Variants in NAGPA observed in about 807,000 individuals in gnomAD.
NAGPA encodes the protein N-acetylglucosamine-1-phosphodiester alpha-N-acetylglucosaminidase.
A neutral mutation model predicts 48.5 loss-of-function variants in NAGPA; 56 were observed. The observed-to-expected ratio is 1.15, with a 90% CI of 0.93 to 1.44. The LOEUF is 1.44. Ranked by LOEUF, NAGPA falls within the 40% of genes most tolerant of loss-of-function variation. NAGPA has a pLI of 0.00. For missense variants in NAGPA, 888 were observed against 735.0 expected (o/e 1.21, Z -2.41); for synonymous variants, 399 against 315.5 (o/e 1.26, Z -2.81).
intron 7 of NAGPA, 108 bp downstream of exon 7, chr16:5,027,738 A>G (rs1956027517): frequency 1.4e-6 from 2 of 1,469,426 alleles, no homozygotes; most frequent in South Asian, 2.4e-5. Flanking sequence ...AGAAGACAAG[A>G]GGCAAGCATT....
At chr16:5,030,262 G>A (rs562578202) in intron 4 of NAGPA, 123 bp downstream of exon 4, 17 of 881,958 alleles carry the variant, frequency 1.9e-5, no homozygotes, top group Non-Finnish European at 2.9e-5. Flanking sequence ...GCCCTGGGAG[G>A]GGGGACAGAT....
chr16:5,028,864 G>T lies in NAGPA; in HGVS notation c.920+16C>A, dbSNP rs373629495. 4 of 1,613,738 alleles carry T rather than the reference G, an allele frequency of 2.5e-6. No individual in the cohort carries two copies. The African/African-American group carries it at 5.3e-5, about 22-fold the overall frequency. On this transcript the variant is annotated intron_variant, in intron 5 of 9. Transcript: ENST00000312251. ...CTGGACTTCAGCCCTCACGAAGGCG[G>T]CTCTCACGTGCTTACCAGTGATCTG... is the stretch of plus-strand genomic sequence containing the variant.
Position 5,027,908 on chromosome 16 carries a change from C to G in NAGPA, c.1127-15G>C. 6.2e-7 allele frequency: 1 copy of G among 1,607,516 alleles called. No homozygotes were observed. The highest frequency in any genetic ancestry group is 1.1e-5 in the South Asian group (1 of 90,324). The stretch of plus-strand genomic sequence containing the variant: ...GCGGCAGCCGGCTGCCGAGACAAGA[C>G]CGGGGAGGCCAGGTGAGGGCCTAGG... On this transcript the variant is annotated splice_polypyrimidine_tract_variant and intron_variant, in intron 6 of 9. Transcript: ENST00000312251.
At chr16:5,031,470 T>C (rs1956095032) in intron 3 of NAGPA, 1 of 455,722 alleles carries the variant, frequency 2.2e-6, no homozygotes, top group Non-Finnish European at 4.0e-6. Flanking sequence ...TTTCTCTTCC[T>C]GTACCCACAG....
chr16:5,028,743 G>T, intron 5 of NAGPA, 137 bp downstream of exon 5: 1 of 1,381,980 alleles, frequency 7.2e-7, no homozygotes, highest in Non-Finnish European at 1.0e-6. Context: ...GGCATCCTGG[G>T]GGAGGGACTG....
At chr16:5,032,813 TC>T (rs1260863329) in intron 2 of NAGPA, among the ~76,000 whole-genome samples, 1 of 152,232 alleles carries the variant, frequency 6.6e-6, no homozygotes, top group Non-Finnish European at 1.5e-5. Context: ...GAAACGCTCT[TC>T]CTCCAGTTCT....
At chr16:5,025,826 CA>C in intron 9 of NAGPA, 141 bp from the exon 10 acceptor site, 1 of 838,892 alleles carries the variant, frequency 1.2e-6, no homozygotes. Flanking sequence ...ATGTTATGAG[CA>C]AAATGGACTA....
rs1956104468 is a variant in NAGPA at position 5,031,879 on chromosome 16, A to G, written c.548T>C (p.Leu183Pro). 2.5e-6 allele frequency: 4 copies of G among 1,614,096 alleles called. No individual in the cohort carries two copies. The highest frequency in any genetic ancestry group is 3.4e-6 in the Non-Finnish European group (4 of 1,179,982). The change falls in exon 3 of 10, where the codon CTG becomes CCG. Residue 183 changes from leucine (L) to proline (P), a missense_variant. Coordinates refer to ENST00000312251, the MANE Select transcript of NAGPA (RefSeq NM_016256.4). ...RRDGTLVTGY[L>P]SEEEVLDTEN... The stretch of plus-strand genomic sequence containing the variant: ...AGTGTCCAGCACCTCCTCCTCAGAC[A>G]GGTACCTGGATCCGGGGAAGGTGGG...
chr16:5,027,810 C>G, intron 7 of NAGPA, 36 bp downstream of exon 7: 4 of 1,551,292 alleles, frequency 2.6e-6, no homozygotes, highest in Non-Finnish European at 3.5e-6. Context: ...CGGGGGCCAC[C>G]GTCTCCCCAT....
At position 5,031,761 on chromosome 16, in the gene NAGPA, G is replaced by C. The variant is rs757454165; in HGVS notation, c.666C>G (p.Asp222Glu). 1 of 1,614,034 alleles carries C rather than the reference G, an allele frequency of 6.2e-7. No homozygotes were observed. The highest frequency in any genetic ancestry group is 8.5e-7 in the Non-Finnish European group (1 of 1,180,016). Residue 222 changes from aspartate to glutamate, a missense_variant, in exon 3 of 10, where the codon GAC becomes GAG. Coordinates refer to ENST00000312251, the MANE Select transcript of NAGPA (RefSeq NM_016256.4). ...YINESQATECDETQETGSFSK... is the reference protein window; with the variant it reads ...YINESQATECEETQETGSFSK... ...CCATCCAACCTGTCTCCTGTGTCTC[G>C]TCACACTCTGTGGCTTGGCTCTCGT...
In NAGPA at chr16:5,025,655, C is replaced by A; in HGVS notation, c.1371G>T (p.Leu457=). ...RTAWLALTLA[L]AFLLLISTAA... ...CAGTGCTGATCAGCAGGAGGAAGGC[C>A]AGCGCCAGGGTGAGGGCTAGCCAGG... Residue 457 remains leucine (L), a synonymous_variant, in exon 10 of 10, where the codon CTG becomes CTT. Transcript: ENST00000312251. The A allele has an allele frequency of 6.2e-7, 1 of 1,613,070 alleles. No individual in the cohort carries two copies. Among genetic ancestry groups the A allele is most frequent in the Non-Finnish European group, 8.5e-7 (1 of 1,179,718 alleles).
At chr16:5,028,722 T>G (rs1281207711) in intron 5 of NAGPA, 158 bp downstream of exon 5, 6 of 1,124,306 alleles carry the variant, frequency 5.3e-6, no homozygotes, top group Non-Finnish European at 8.0e-6. Context: ...CTCCTAGGCC[T>G]GGGTAGTACT....
chr16:5,028,402 A>T (rs1956042596), intron 5 of NAGPA: 7 of 890,144 alleles, frequency 7.9e-6, no homozygotes, highest in African/African-American at 3.3e-5. Context: ...CGCCTGCCTA[A>T]TTTTTTTTTA....
At position 5,033,154 on chromosome 16, in the gene NAGPA, T is replaced by G; in HGVS notation, c.542+119A>C. The G allele has an allele frequency of 8.5e-7, 1 of 1,174,104 alleles. No individual in the cohort carries two copies. Among genetic ancestry groups the G allele is most frequent in the Non-Finnish European group, 1.2e-6 (1 of 822,646 alleles). The allele number at this position is 1,174,104 out of a possible 1,614,324, so 72.7% of individuals were successfully genotyped here. A position where few individuals can be genotyped will look rare whatever the true frequency, so the allele number is the denominator to read the frequency against. ...TGCAAGGAAGCGATTCCTATCCCCATTCTGCAGAGGAGGAAACAGGGGCTC... is the reference window on the plus strand; with the variant it reads ...TGCAAGGAAGCGATTCCTATCCCCAGTCTGCAGAGGAGGAAACAGGGGCTC... On this transcript the variant is annotated intron_variant, in intron 2 of 9. Coordinates refer to ENST00000312251, the MANE Select transcript of NAGPA (RefSeq NM_016256.4). The surrounding 1 kb of genome is among the most constrained non-coding windows in gnomAD (Gnocchi z 4.2).
chr16:5,030,636 C>G, intron 3 of NAGPA, 143 bp from the exon 4 acceptor site: 1 of 737,626 alleles, frequency 1.4e-6, no homozygotes, highest in East Asian at 2.7e-5. Flanking sequence ...TGCCTCCCCT[C>G]TGCACATCCC....
chr16:5,026,771 C>G (rs117944631), intron 9 of NAGPA, among the ~76,000 whole-genome samples: 1 of 152,132 alleles, frequency 6.6e-6, no homozygotes, highest in Admixed American at 6.5e-5. Context: ...CATGGGGGCA[C>G]GTGCCTGTCG....
chr16:5,028,502 T>C, intron 5 of NAGPA: 3 of 622,982 alleles, frequency 4.8e-6, no homozygotes, highest in Admixed American at 2.2e-5. Flanking sequence ...CCCAAAGCAC[T>C]GGGATTCCAG....
chr16:5,028,560 C>T (rs1325114325), intron 5 of NAGPA: 8 of 555,494 alleles, frequency 1.4e-5, no homozygotes, highest in African/African-American at 3.8e-5. Flanking sequence ...TAGGTTCCTC[C>T]GCTCCCTACA....
At position 5,033,341 on chromosome 16, in the gene NAGPA, C is replaced by T; in HGVS notation, c.474G>A (p.Arg158=). The change falls in exon 2 of 10, where the codon CGG becomes CGA. Residue 158 remains arginine (R), a synonymous_variant. Transcript: ENST00000312251. This position sits in a 1 kb window ranked among gnomAD's most constrained non-coding sequence, Gnocchi z 4.2. ...CLGNVVSDER[R]VSSSGGLQNA... ...TCTGCAGCCCCCCGGAGCTGCTCAC[C>T]CGCCGCTCGTCGCTCACCACGTTCC... 1 of 1,597,964 alleles carries T rather than the reference C, an allele frequency of 6.3e-7. No homozygotes were observed. Among genetic ancestry groups the T allele is most frequent in the Non-Finnish European group, 8.5e-7 (1 of 1,179,576 alleles).
Sources: allele counts gnomAD v4.1 joint callset (sites outside exome capture counted in the v4.1 genomes callset), GRCh38; gene constraint gnomAD v4.1.1; non-coding constraint Gnocchi (gnomAD v3.1); transcripts MANE v1.5; gene names NCBI Gene and HGNC (gene_info 2026-07-23, HGNC 2026-07-21).